DHRS4: variants seen among roughly 807,000 people sequenced by gnomAD.
DHRS4 encodes the protein dehydrogenase/reductase SDR family member 4.
DHRS4 carries 20 observed loss-of-function variants against 28.4 expected under a neutral mutation model. The ratio of observed to expected loss-of-function variants is 0.71; its 90% CI spans 0.50 to 1.02. The LOEUF is 1.02. DHRS4 is among the 50% of genes least tolerant of loss of function. The pLI, the probability that DHRS4 is intolerant of heterozygous loss-of-function variation, is 0.00. For missense variants in DHRS4, 378 were observed against 367.2 expected (o/e 1.03, Z -0.24); for synonymous variants, 144 against 146.4 (o/e 0.98, Z 0.12).
At chr14:23,954,950 C>T in intron 1 of DHRS4, 85 bp from the exon 2 acceptor site, 1 of 1,576,396 alleles carries the variant, frequency 6.3e-7, no homozygotes, top group Non-Finnish European at 8.6e-7. Context: ...GAATTCAAAC[C>T]CGGGCAGTCT....
In DHRS4 at chr14:23,968,653, C is replaced by A. The variant is rs530443809; in HGVS notation, c.723-104C>A. 263 of 1,542,916 alleles carry A rather than the reference C, an allele frequency of 1.7e-4. 3 individuals carry two copies. The highest frequency in any genetic ancestry group is 2.2e-4 in the Non-Finnish European group (252 of 1,141,558). ...GCTTGTACACTGACCCTGAAAAAGCCATCTGATAATTCTTGATTAAGCAAA... is the reference window on the plus strand; with the variant it reads ...GCTTGTACACTGACCCTGAAAAAGCAATCTGATAATTCTTGATTAAGCAAA... On this transcript the variant is annotated intron_variant, in intron 7 of 7. Transcript: ENST00000313250.
rs756576495 is a variant in DHRS4, at chr14:23,968,875, C to T, written c.*4C>T. 14 of 1,606,394 alleles carry T rather than the reference C, an allele frequency of 8.7e-6. No homozygotes were observed. The East Asian group carries it at 2.7e-4, about 31-fold the overall frequency. ...AGGAACCCCGTCCCGCCTCTGAGGA[C>T]CGGGAGACAGCCCACAGGCCAGAGT... On this transcript the variant is annotated 3_prime_UTR_variant, in exon 8 of 8. Transcript: ENST00000313250.
At position 23,965,807 on chromosome 14, in the gene DHRS4, G is replaced by C; in HGVS notation, c.454G>C (p.Val152Leu). The C allele has an allele frequency of 6.2e-7, 1 of 1,606,872 alleles. No individual in the cohort carries two copies. Among genetic ancestry groups the C allele is most frequent in the South Asian group, 1.1e-5 (1 of 90,454 alleles). ...GGCCCCAGCCCTGATGACAAAGGCAGTGGTGCCAGAAATGGAGAAACGAGG... is the reference window on the plus strand; with the variant it reads ...GGCCCCAGCCCTGATGACAAAGGCACTGGTGCCAGAAATGGAGAAACGAGG... ...VKAPALMTKAVVPEMEKRGGG... is the reference protein window; with the variant it reads ...VKAPALMTKALVPEMEKRGGG... The change falls in exon 4 of 8, where the codon GTG (valine) becomes CTG (leucine). Residue 152 changes from valine (V) to leucine (L), a missense_variant. Coordinates refer to ENST00000313250, the MANE Select transcript of DHRS4 (RefSeq NM_021004.4).
chr14:23,967,497 G>C (rs8012155), intron 7 of DHRS4: 171,475 of 758,138 alleles, frequency 0.23, 24,701 homozygotes, highest in African/African-American at 0.65. Flanking sequence ...GCAGAGCTCT[G>C]GGAGAAGCCC....
At chr14:23,964,786 G>A (rs2033556447) in intron 3 of DHRS4, among the ~76,000 whole-genome samples, 1 of 146,186 alleles carries the variant, frequency 6.8e-6, no homozygotes, top group African/African-American at 2.5e-5. Context: ...ATGTTGCCCA[G>A]GCTGTTCTCG....
At chr14:23,964,773 GC>G (rs1162584444) in intron 3 of DHRS4, among the ~76,000 whole-genome samples, 1 of 144,300 alleles carries the variant, frequency 6.9e-6, no homozygotes, top group East Asian at 2.0e-4. Flanking sequence ...GACGAGGTTT[GC>G]CATGTTGCCC....
chr14:23,963,455 C>T (rs1373143335), intron 3 of DHRS4, among the ~76,000 whole-genome samples: 1 of 144,272 alleles, frequency 6.9e-6, no homozygotes, highest in Non-Finnish European at 1.5e-5. Flanking sequence ...TTTTATGTTA[C>T]AGAGGTGGCT....
At chr14:23,960,357 C>T (rs1303519767) in intron 3 of DHRS4, among the ~76,000 whole-genome samples, 1 of 151,988 alleles carries the variant, frequency 6.6e-6, no homozygotes, top group Non-Finnish European at 1.5e-5. Flanking sequence ...ATTTACACAC[C>T]CACCTGTCCC....
chr14:23,954,853 A>T (rs149860092), intron 1 of DHRS4, among the ~76,000 whole-genome samples, 182 bp from the exon 2 acceptor site: 12 of 152,398 alleles, frequency 7.9e-5, no homozygotes, highest in Admixed American at 4.6e-4. Flanking sequence ...TAATAAAAAC[A>T]AGTAAAGGAA....
intron 6 of DHRS4, 56 bp downstream of exon 6, chr14:23,966,473 T>G (rs935387204): frequency 5.8e-5 from 93 of 1,606,044 alleles, no homozygotes; most frequent in Non-Finnish European, 7.1e-5. Flanking sequence ...ATCCATCTTC[T>G]TGGACAGGGA....
In DHRS4 at chr14:23,968,929, CA is replaced by C. The variant is rs1411840038; in HGVS notation, c.*59del. ...GCTCTAGCTCCTGGTGCTGTTCCCG[CA>C]TTCACCCACTGGCCTTTCCCACCTC... On this transcript the variant is annotated 3_prime_UTR_variant, in exon 8 of 8. Coordinates refer to ENST00000313250, the MANE Select transcript of DHRS4 (RefSeq NM_021004.4). 6.2e-7 allele frequency: 1 copy of C among 1,602,150 alleles called. No homozygotes were observed. The highest frequency in any genetic ancestry group is 8.5e-7 in the Non-Finnish European group (1 of 1,174,314).
intron 3 of DHRS4, among the ~76,000 whole-genome samples, chr14:23,961,459 T>G (rs1487929016): frequency 2.3e-5 from 3 of 128,988 alleles, no homozygotes; most frequent in East Asian, 4.7e-4. Context: ...ACCCAGAGAT[T>G]TGCTGCTAAC....
chr14:23,960,045 G>C (rs1389340537), intron 3 of DHRS4, 42 bp downstream of exon 3: 3 of 1,571,422 alleles, frequency 1.9e-6, no homozygotes, highest in Non-Finnish European at 2.6e-6. Context: ...GGGGCGCCTT[G>C]GAACACATTC....
At chr14:23,954,087 C>T in intron 1 of DHRS4, 171 bp downstream of exon 1, 1 of 1,059,660 alleles carries the variant, frequency 9.4e-7, no homozygotes, top group Non-Finnish European at 1.3e-6. Context: ...ATCCCCTAGC[C>T]CTGGACCCTC....
Position 23,966,271 on chromosome 14 carries a change from T to C in DHRS4, c.532-12T>C. Reference sequence around the variant, plus strand: ...GAAACTATGAGTCTAACACATTCTCTTCTTTCTCCAGGGCTTCAGTCCTTA... The same window carrying C: ...GAAACTATGAGTCTAACACATTCTCCTCTTTCTCCAGGGCTTCAGTCCTTA... On this transcript the variant is annotated splice_polypyrimidine_tract_variant and intron_variant, in intron 5 of 7. Coordinates refer to ENST00000313250, the MANE Select transcript of DHRS4 (RefSeq NM_021004.4). 1 of 1,609,712 alleles carries C rather than the reference T, an allele frequency of 6.2e-7. No homozygotes were observed. Among genetic ancestry groups the C allele is most frequent in the Non-Finnish European group, 8.5e-7 (1 of 1,178,068 alleles).
chr14:23,961,066 T>C (rs1566473494), intron 3 of DHRS4, among the ~76,000 whole-genome samples: 1 of 151,816 alleles, frequency 6.6e-6, no homozygotes, highest in Admixed American at 6.6e-5. Flanking sequence ...TCATAAGGGA[T>C]CCACCCTCAT....
chr14:23,958,030 C>T (rs146135298), intron 2 of DHRS4, among the ~76,000 whole-genome samples: 4 of 152,062 alleles, frequency 2.6e-5, no homozygotes, highest in African/African-American at 7.2e-5. Context: ...GTACTGAGCA[C>T]GGCGCACATC....
At chr14:23,966,550 C>T in intron 6 of DHRS4, 133 bp downstream of exon 6, 2 of 1,438,820 alleles carry the variant, frequency 1.4e-6, no homozygotes, top group South Asian at 1.3e-5. Context: ...CCCATATTCC[C>T]TCTCTGTACC....
chr14:23,960,114 C>G lies in DHRS4; in HGVS notation c.408+111C>G, dbSNP rs1594423839. 6 of 1,027,246 alleles carry G rather than the reference C, an allele frequency of 5.8e-6. No homozygotes were observed. The East Asian group carries it at 7.2e-5, about 12-fold the overall frequency. 63.6% of individuals were successfully genotyped at this position (1,027,246 alleles called of 1,614,324 possible). ...CTCAAGGGCAGTGTAAATGTGAGGA[C>G]TCTTTGCCACGTGCCACACACCTGG... is the stretch of plus-strand genomic sequence containing the variant. On this transcript the variant is annotated intron_variant, in intron 3 of 7. Coordinates refer to ENST00000313250, the MANE Select transcript of DHRS4 (RefSeq NM_021004.4).
Sources: gnomAD v4.1 joint callset for allele counts (sites outside exome capture counted in the v4.1 genomes callset) on GRCh38, gnomAD v4.1.1 for gene constraint, MANE v1.5 for transcripts, NCBI Gene and HGNC (gene_info 2026-07-23, HGNC 2026-07-21) for gene names.